The following GALNTL6 variants were observed in gnomAD, a reference collection of about 807,000 sequenced individuals.
GALNTL6 encodes the protein polypeptide N-acetylgalactosaminyltransferase like 6.
Under a neutral mutation model 73.7 loss-of-function variants are expected in GALNTL6, and 46 were observed. The ratio of observed to expected loss-of-function variants is 0.62; its 90% CI spans 0.49 to 0.80. The LOEUF is 0.80. Ranked by LOEUF, GALNTL6 falls within the 30% of genes least tolerant of loss-of-function variation. GALNTL6 has a pLI of 0.00. For missense variants in GALNTL6, 604 were observed against 755.0 expected (o/e 0.80, Z 2.34); for synonymous variants, 259 against 263.7 (o/e 0.98, Z 0.17).
chr4:173,033,681 G>A (rs1355126323), intron 12 of GALNTL6, among the ~76,000 whole-genome samples: 1 of 152,110 alleles, frequency 6.6e-6, no homozygotes, highest in Non-Finnish European at 1.5e-5. Flanking sequence ...GACAAACTAA[G>A]TGACCACAAA....
At chr4:172,079,433 A>G (rs553001987) in intron 2 of GALNTL6, among the ~76,000 whole-genome samples, 69 of 152,116 alleles carry the variant, frequency 4.5e-4, no homozygotes, top group African/African-American at 1.6e-3. Flanking sequence ...TCTTTGATTA[A>G]TTGACTATTT....
chr4:172,818,163 G>T (rs1741716397), intron 7 of GALNTL6, among the ~76,000 whole-genome samples: 1 of 152,128 alleles, frequency 6.6e-6, no homozygotes, highest in Non-Finnish European at 1.5e-5. Context: ...TTGTCTCCAA[G>T]GGCAGCATGA....
chr4:172,927,422 T>G (rs1748114160), intron 8 of GALNTL6, among the ~76,000 whole-genome samples: 1 of 152,224 alleles, frequency 6.6e-6, no homozygotes, highest in African/African-American at 2.4e-5. Context: ...TAATTCACCT[T>G]TATCATGGAT....
chr4:172,693,439 C>A (rs1540470), intron 5 of GALNTL6, among the ~76,000 whole-genome samples: 2 of 151,894 alleles, frequency 1.3e-5, no homozygotes, highest in African/African-American at 2.4e-5. Flanking sequence ...TCATCTGTAC[C>A]AACAATCTCT....
At chr4:173,007,994 G>C (rs773928879) in intron 10 of GALNTL6, among the ~76,000 whole-genome samples, 10 of 152,132 alleles carry the variant, frequency 6.6e-5, no homozygotes, top group South Asian at 2.1e-4. Context: ...CAAAGGTCAG[G>C]CTTTATGTAG....
chr4:172,731,490 T>C (rs1004384651), intron 5 of GALNTL6, among the ~76,000 whole-genome samples: 2 of 152,068 alleles, frequency 1.3e-5, no homozygotes, highest in Admixed American at 6.6e-5. Context: ...TTATCTTTTT[T>C]AAAAAACAAC....
At chr4:172,083,324 C>G (rs1258356742) in intron 2 of GALNTL6, among the ~76,000 whole-genome samples, 1 of 152,158 alleles carries the variant, frequency 6.6e-6, no homozygotes, top group Admixed American at 6.5e-5. Flanking sequence ...TAGATCCTGT[C>G]ATTTCCATGC....
rs555786197 is a variant in GALNTL6 at position 172,800,835 on chromosome 4, A to T, written c.554-8526A>T. ...GGTAAAAGTTATGTCATCGGAAAAA[A>T]AAAGATATAGATAAAATAATTTAGA... On this transcript the variant is annotated intron_variant, in intron 5 of 12. Transcript: ENST00000506823. 8.3e-4 allele frequency among the ~76,000 whole-genome samples: 126 copies of T among 152,222 alleles called. No homozygotes were observed. In the South Asian group the frequency reaches 0.017, roughly 21 times the overall value.
chr4:172,260,238 G>A lies in GALNTL6; in HGVS notation c.247+30474G>A, dbSNP rs529067976. ...CTATCCATCCATGAGCATGGAATGT[G>A]TTACCATTTGTTTGTGTCATCTGTG... On this transcript the variant is annotated intron_variant, in intron 3 of 12. Coordinates refer to ENST00000506823, the MANE Select transcript of GALNTL6 (RefSeq NM_001034845.3). Among the ~76,000 whole-genome samples, 14 of 151,690 alleles carry A rather than the reference G, an allele frequency of 9.2e-5. No individual in the cohort carries two copies. In the South Asian group the frequency reaches 1.0e-3, roughly 11 times the overall value.
At chr4:172,078,016 G>A (rs1241604506) in intron 2 of GALNTL6, among the ~76,000 whole-genome samples, 2 of 152,170 alleles carry the variant, frequency 1.3e-5, no homozygotes, top group Non-Finnish European at 2.9e-5. Flanking sequence ...CAAGCCCCAA[G>A]CCTTGGTGGC....
chr4:172,480,031 C>T (rs1561102630), intron 5 of GALNTL6, among the ~76,000 whole-genome samples: 1 of 152,188 alleles, frequency 6.6e-6, no homozygotes, highest in Non-Finnish European at 1.5e-5. Context: ...ACTTAATCAT[C>T]ACTCGTGGCC....
intron 5 of GALNTL6, among the ~76,000 whole-genome samples, chr4:172,544,762 A>G (rs1360809138): frequency 1.3e-5 from 2 of 152,178 alleles, no homozygotes; most frequent in African/African-American, 4.8e-5. Context: ...CACCTCTACC[A>G]TATGTACAGT....
chr4:171,929,892 C>A (rs538568677), intron 2 of GALNTL6, among the ~76,000 whole-genome samples: 28 of 152,336 alleles, frequency 1.8e-4, no homozygotes, highest in Middle Eastern at 3.4e-3. Context: ...GGTCCCCCTG[C>A]ACTTGCACTC....
At chr4:172,547,577 C>G (rs1181088679) in intron 5 of GALNTL6, among the ~76,000 whole-genome samples, 3 of 152,130 alleles carry the variant, frequency 2.0e-5, no homozygotes, top group African/African-American at 7.2e-5. Context: ...GTGAAAAGTT[C>G]ATGAGTAACT....
At chr4:172,416,232 CCTT>C (rs1730831055) in intron 5 of GALNTL6, among the ~76,000 whole-genome samples, 1 of 152,112 alleles carries the variant, frequency 6.6e-6, no homozygotes, top group Admixed American at 6.6e-5. Flanking sequence ...GTATAGGTCT[CCTT>C]AACACCTCTA....
chr4:172,555,304 A>G (rs1397360987), intron 5 of GALNTL6, among the ~76,000 whole-genome samples: 1 of 152,184 alleles, frequency 6.6e-6, no homozygotes, highest in African/African-American at 2.4e-5. Flanking sequence ...GTATCTATAC[A>G]TCTGGAATAT....
chr4:172,751,785 A>G (rs1737436766), intron 5 of GALNTL6, among the ~76,000 whole-genome samples: 1 of 152,226 alleles, frequency 6.6e-6, no homozygotes, highest in South Asian at 2.1e-4. Context: ...AGCAGCTAGA[A>G]CAAGTAATGG....
At chr4:172,790,774 A>T (rs1739948105) in intron 5 of GALNTL6, among the ~76,000 whole-genome samples, 2 of 151,842 alleles carry the variant, frequency 1.3e-5, no homozygotes, top group Admixed American at 6.6e-5. Flanking sequence ...TGCACCTGTA[A>T]TCCCAGCTAC....
chr4:172,338,291 A>G (rs1457882469), intron 4 of GALNTL6, among the ~76,000 whole-genome samples: 1 of 151,952 alleles, frequency 6.6e-6, no homozygotes, highest in Non-Finnish European at 1.5e-5. Context: ...ATATTGCTAG[A>G]GAGTGAGCGT....
Sources: gnomAD v4.1 joint callset for allele counts (sites outside exome capture counted in the v4.1 genomes callset) on GRCh38, gnomAD v4.1.1 for gene constraint, MANE v1.5 for transcripts, NCBI Gene and HGNC (gene_info 2026-07-23, HGNC 2026-07-21) for gene names.